SMCO4: variants seen among roughly 807,000 people sequenced by gnomAD.
SMCO4 encodes single-pass membrane and coiled-coil domain-containing protein 4.
Under a neutral mutation model 3.6 loss-of-function variants are expected in SMCO4, and 4 were observed. That is an observed-to-expected ratio of 1.11 (90% CI 0.54 to 2.53). The LOEUF is 2.53. Ranked by LOEUF, SMCO4 falls within the 30% of genes most tolerant of loss-of-function variation. The pLI is 0.02. For synonymous variants in SMCO4, 36 were observed against 35.3 expected (o/e 1.02, Z -0.07); for missense variants, 70 against 80.8 (o/e 0.87, Z 0.51).
chr11:93,544,313 A>C (rs1205687508), upstream of SMCO4, among the ~76,000 whole-genome samples: 1 of 152,208 alleles, frequency 6.6e-6, no homozygotes, highest in Non-Finnish European at 1.5e-5. Context: ...AATGTAAAAT[A>C]TTGACTACCT....
intron 2 of SMCO4, among the ~76,000 whole-genome samples, chr11:93,497,194 G>C (rs1462916477): frequency 6.6e-6 from 1 of 152,122 alleles, no homozygotes; most frequent in South Asian, 2.1e-4. Context: ...ATTAAAAGTT[G>C]AGCAATTTTT....
chr11:93,484,324 A>G (rs973803881), intron 2 of SMCO4, among the ~76,000 whole-genome samples: 3 of 152,224 alleles, frequency 2.0e-5, no homozygotes, highest in Non-Finnish European at 2.9e-5. Context: ...GTATGCACAC[A>G]TGCTAACTTC....
At chr11:93,497,563 C>T (rs1318583937) in intron 2 of SMCO4, among the ~76,000 whole-genome samples, 1 of 151,996 alleles carries the variant, frequency 6.6e-6, no homozygotes, top group Non-Finnish European at 1.5e-5. Context: ...GGTCAAGACT[C>T]CCCTCCCTCA....
intron 2 of SMCO4, among the ~76,000 whole-genome samples, chr11:93,492,814 A>T (rs1426873637): frequency 6.6e-6 from 1 of 152,236 alleles, no homozygotes; most frequent in African/African-American, 2.4e-5. Context: ...TCCAAAAGGG[A>T]TTCTGCAAAC....
chr11:93,492,476 CAAAT>C (rs1233992079), intron 2 of SMCO4, among the ~76,000 whole-genome samples: 2 of 152,148 alleles, frequency 1.3e-5, no homozygotes, highest in African/African-American at 2.4e-5. Context: ...AAAAAATAAA[CAAAT>C]AAAAGTGTAA....
In SMCO4 at chr11:93,519,918, T is replaced by C. The variant is rs182329917; in HGVS notation, c.-153-20570A>G. ...TGCCAGACCTATAGTCTGAATACACTAGAAAAAAATATAAAACCATGAGGA... is the reference window on the plus strand; with the variant it reads ...TGCCAGACCTATAGTCTGAATACACCAGAAAAAAATATAAAACCATGAGGA... On this transcript the variant is annotated intron_variant, in intron 1 of 2. Transcript: ENST00000298966. 5.5e-4 allele frequency among the ~76,000 whole-genome samples: 83 copies of C among 151,836 alleles called. 2 individuals carry two copies. Among genetic ancestry groups the C allele is most frequent in the Admixed American group, 3.3e-3 (50 of 15,260 alleles).
At chr11:93,487,684 A>AT (rs1948667104) in intron 2 of SMCO4, among the ~76,000 whole-genome samples, 1 of 152,236 alleles carries the variant, frequency 6.6e-6, no homozygotes, top group African/African-American at 2.4e-5. Context: ...ACTTGGATTA[A>AT]TAAAGTGCTT....
At chr11:93,480,546 A>G (rs1162230754) in intron 2 of SMCO4, among the ~76,000 whole-genome samples, 2 of 152,206 alleles carry the variant, frequency 1.3e-5, no homozygotes, top group East Asian at 3.8e-4. Flanking sequence ...GGGGTTGGGT[A>G]TCAGGGCTAT....
upstream of SMCO4, among the ~76,000 whole-genome samples, chr11:93,546,960 G>T (rs115201877): frequency 6.6e-4 from 101 of 152,172 alleles, no homozygotes; most frequent in African/African-American, 2.4e-3. Context: ...TTCCACTGAC[G>T]TGCTCTTTCC....
chr11:93,534,201 AAAAAAT>A (rs1271790885), intron 1 of SMCO4, among the ~76,000 whole-genome samples: 1 of 121,942 alleles, frequency 8.2e-6, no homozygotes, highest in South Asian at 3.0e-4. Flanking sequence ...AAAAAAAAAA[AAAAAAT>A]ATATATATAC....
chr11:93,479,204 G>A lies in SMCO4; in HGVS notation c.-15C>T, dbSNP rs754036634. ...AGCTGCCGCATCTTTCCTAGAGGATGCTAGGAGGGTGTGTCCAGAGGGATT... is the reference window on the plus strand; with the variant it reads ...AGCTGCCGCATCTTTCCTAGAGGATACTAGGAGGGTGTGTCCAGAGGGATT... On this transcript the variant is annotated 5_prime_UTR_variant, in exon 3 of 3. Transcript: ENST00000298966. 6.2e-6 allele frequency: 10 copies of A among 1,611,924 alleles called. No homozygotes were observed. Among genetic ancestry groups the A allele is most frequent in the Non-Finnish European group, 8.5e-6 (10 of 1,178,790 alleles).
intron 1 of SMCO4, among the ~76,000 whole-genome samples, chr11:93,501,447 T>C (rs1948837290): frequency 6.6e-6 from 1 of 152,290 alleles, no homozygotes; most frequent in Admixed American, 6.5e-5. Flanking sequence ...GAGAACTCGT[T>C]TGTCGCCGCT....
intron 1 of SMCO4, among the ~76,000 whole-genome samples, chr11:93,538,155 T>C (rs1300352723): frequency 6.6e-6 from 1 of 152,176 alleles, no homozygotes; most frequent in Non-Finnish European, 1.5e-5. Flanking sequence ...CCCCAGCCAA[T>C]CATCTCCTTG....
At chr11:93,527,089 C>T (rs964259008) in intron 1 of SMCO4, among the ~76,000 whole-genome samples, 4 of 152,224 alleles carry the variant, frequency 2.6e-5, no homozygotes, top group African/African-American at 7.2e-5. Context: ...GCAGCACCTG[C>T]GTCAGCCACA....
intron 1 of SMCO4, among the ~76,000 whole-genome samples, chr11:93,514,481 G>A (rs1394805692): frequency 2.1e-5 from 3 of 139,836 alleles, no homozygotes; most frequent in Non-Finnish European, 4.6e-5. Flanking sequence ...CAATTCCCTC[G>A]CTATATTTTT....
intron 1 of SMCO4, among the ~76,000 whole-genome samples, chr11:93,500,919 G>A (rs1272093673): frequency 1.3e-5 from 2 of 152,122 alleles, no homozygotes; most frequent in Non-Finnish European, 2.9e-5. Flanking sequence ...GCAGCTTGTC[G>A]CCCCAGGGGC....
At chr11:93,528,458 A>C (rs915245210) in intron 1 of SMCO4, among the ~76,000 whole-genome samples, 1 of 152,212 alleles carries the variant, frequency 6.6e-6, no homozygotes, top group Non-Finnish European at 1.5e-5. Context: ...CTCTGCCTCC[A>C]AGTTGGCCCA....
At chr11:93,535,697 A>G (rs531339385) in intron 1 of SMCO4, 24 of 1,613,474 alleles carry the variant, frequency 1.5e-5, no homozygotes, top group African/African-American at 4.0e-5. Context: ...GAGGAAGTGA[A>G]TAAGTTTCAG....
chr11:93,535,760 A>G, intron 1 of SMCO4: 1 of 1,609,516 alleles, frequency 6.2e-7, no homozygotes, highest in Non-Finnish European at 8.5e-7. Flanking sequence ...AAGAAGAGAG[A>G]CAAAAAGAAC....
Sources: allele counts gnomAD v4.1 joint callset (sites outside exome capture counted in the v4.1 genomes callset), GRCh38; gene constraint gnomAD v4.1.1; transcripts MANE v1.5; gene names NCBI Gene and HGNC (gene_info 2026-07-23, HGNC 2026-07-21).